Variants in ADGRV1 observed in about 807,000 individuals in gnomAD.
ADGRV1 encodes G-protein coupled receptor 98.
In ADGRV1, 359 loss-of-function variants were observed where a neutral mutation model predicts 596.2. That is an observed-to-expected ratio of 0.60 (90% CI 0.55 to 0.66). ADGRV1 has a LOEUF of 0.66. ADGRV1 is among the 30% of genes least tolerant of loss of function. The pLI is 0.00. For synonymous variants in ADGRV1, 2,681 were observed against 2,679.2 expected, an observed-to-expected ratio of 1.00 and a Z score of -0.02; for missense variants, 7,274 against 7,575.6, an observed-to-expected ratio of 0.96 and a Z score of 1.48.
chr5:90,754,891 G>T, intron 54 of ADGRV1, 92 bp from the exon 55 acceptor site: 1 of 825,598 alleles, frequency 1.2e-6, no homozygotes, highest in African/African-American at 1.7e-5. Flanking sequence ...CTGTCTACAA[G>T]GGATAGAGTA....
intron 86 of ADGRV1, among the ~76,000 whole-genome samples, chr5:91,078,342 A>T (rs997658635): frequency 7.2e-5 from 11 of 152,206 alleles, no homozygotes. Context: ...ATCCAAAGGA[A>T]AAAGAGGGAA....
chr5:90,610,583 A>T (rs1762617054), intron 1 of ADGRV1, among the ~76,000 whole-genome samples: 1 of 151,930 alleles, frequency 6.6e-6, no homozygotes, highest in Non-Finnish European at 1.5e-5. Flanking sequence ...ATTGCATGGG[A>T]ACAGAAGATA....
chr5:90,914,664 T>A (rs755129132), intron 83 of ADGRV1, among the ~76,000 whole-genome samples: 1 of 152,164 alleles, frequency 6.6e-6, no homozygotes, highest in African/African-American at 2.4e-5. Flanking sequence ...TCTGATTGAT[T>A]TTTACTTGCC....
At chr5:90,565,770 T>C (rs1026103866) in intron 1 of ADGRV1, among the ~76,000 whole-genome samples, 2 of 152,232 alleles carry the variant, frequency 1.3e-5, no homozygotes, top group Admixed American at 6.5e-5. Context: ...TCCAGCTGTT[T>C]TCTAAAGTGT....
intron 48 of ADGRV1, 130 bp from the exon 49 acceptor site, chr5:90,728,539 T>G (rs1050948678): frequency 1.3e-6 from 1 of 798,520 alleles, no homozygotes; most frequent in Non-Finnish European, 2.0e-6. Context: ...TTTAGTATTT[T>G]CTTATTTATG....
Position 91,030,241 on chromosome 5 carries a change from C to G in ADGRV1, c.18153-42206C>G, listed in dbSNP as rs75598562. On this transcript the variant is annotated intron_variant, in intron 85 of 89. Coordinates refer to ENST00000405460, the MANE Select transcript of ADGRV1 (RefSeq NM_032119.4). ...AAGTCTTTGAAATGCTTAGATAAACCCTTTATTTTAGTCCACTCTTGGATT... is the reference window on the plus strand; with the variant it reads ...AAGTCTTTGAAATGCTTAGATAAACGCTTTATTTTAGTCCACTCTTGGATT... Among the ~76,000 whole-genome samples, 1,267 of 151,966 alleles carry G rather than the reference C, an allele frequency of 8.3e-3. 21 individuals carry two copies. Among genetic ancestry groups the G allele is most frequent in the African/African-American group, 0.029 (1,199 of 41,456 alleles).
At chr5:91,154,856 AG>A (rs1796344416) in intron 89 of ADGRV1, among the ~76,000 whole-genome samples, 1 of 152,198 alleles carries the variant, frequency 6.6e-6, no homozygotes, top group Admixed American at 6.5e-5. Flanking sequence ...AGAATAGCAT[AG>A]GGTAAACTGC....
rs1761522804 is a variant in ADGRV1 at position 90,802,871 on chromosome 5, G to A, written c.14650G>A (p.Ala4884Thr). 2 of 1,605,078 alleles carry A rather than the reference G, an allele frequency of 1.2e-6. No individual in the cohort carries two copies. The highest frequency in any genetic ancestry group is 1.7e-5 in the Admixed American group (1 of 58,952). ...SAVLPVSEKAANSQVGFESTA... is the reference protein window; with the variant it reads ...SAVLPVSEKATNSQVGFESTA... ...TGTCCTTCCAGTCTCTGAGAAAGCT[G>A]CCAATTCTCAGGTAATTGGCCCTGT... Residue 4884 changes from alanine to threonine, a missense_variant, in exon 71 of 90, where the codon GCC becomes ACC. Ala to Thr is a moderately conservative substitution (Grantham distance 58, BLOSUM62 0). Transcript: ENST00000405460.
chr5:90,651,575 T>G, intron 17 of ADGRV1, 29 bp from the exon 18 acceptor site: 1 of 1,408,146 alleles, frequency 7.1e-7, no homozygotes, highest in South Asian at 1.5e-5. Flanking sequence ...TACTTCTTTG[T>G]TATTTTGTCT....
At chr5:91,011,768 G>T (rs1782744794) in intron 85 of ADGRV1, among the ~76,000 whole-genome samples, 1 of 151,568 alleles carries the variant, frequency 6.6e-6, no homozygotes, top group Non-Finnish European at 1.5e-5. Flanking sequence ...AAAAAAAAAA[G>T]CAATGCTAAC....
rs574764143 is a variant in ADGRV1 at position 90,773,037 on chromosome 5, C to T, written c.12286-1149C>T. Reference sequence around the variant, plus strand: ...ACAAAAATTAGCTGAGCATGGTTAACGCACACCTGTAATCCTAGCTATTCG... The same window carrying T: ...ACAAAAATTAGCTGAGCATGGTTAATGCACACCTGTAATCCTAGCTATTCG... On this transcript the variant is annotated intron_variant, in intron 59 of 89. Coordinates refer to ENST00000405460, the MANE Select transcript of ADGRV1 (RefSeq NM_032119.4). Among the ~76,000 whole-genome samples the T allele has an allele frequency of 7.2e-5, 11 of 152,118 alleles. No homozygotes were observed. In the South Asian group the frequency reaches 1.7e-3, roughly 23 times the overall value.
intron 70 of ADGRV1, among the ~76,000 whole-genome samples, chr5:90,798,613 GAC>G (rs1761005829): frequency 3.9e-5 from 6 of 152,114 alleles, no homozygotes; most frequent in African/African-American, 1.4e-4. Flanking sequence ...ACCTGACAGA[GAC>G]ACAACAAAAA....
Position 90,619,101 on chromosome 5 carries a change from G to T in ADGRV1, c.373G>T (p.Val125Leu). 6 of 1,457,998 alleles carry T rather than the reference G, an allele frequency of 4.1e-6. No individual in the cohort carries two copies. Among genetic ancestry groups the T allele is most frequent in the Non-Finnish European group, 5.5e-6 (6 of 1,091,852 alleles). 90.3% of individuals were successfully genotyped at this position (1,457,998 alleles called of 1,614,324 possible). ...HLTLQKPSAN[V>L]KLGWPRTVTV... ...TTTATTTTAGAAACCTTCAGCAAAT[G>T]TGAAGCTTGGATGGCCAAGGACTGT... The change falls in exon 4 of 90, where the codon GTG becomes TTG. Residue 125 changes from valine (V) to leucine (L), a missense_variant. Transcript: ENST00000405460.
chr5:90,653,864 C>T lies in ADGRV1; in HGVS notation c.4290C>T (p.Ile1430=). The T allele has an allele frequency of 1.2e-6, 2 of 1,607,990 alleles. No individual in the cohort carries two copies. Among genetic ancestry groups the T allele is most frequent in the East Asian group, 2.2e-5 (1 of 44,798 alleles). The stretch of plus-strand genomic sequence containing the variant: ...GTGTTTGGCTTCATCTACTAATTAT[C>T]CTGGAGGATGGTATAATCGAATTCT... ...EESVWLHLLI[I]LEDGIIEFYL... is the part of the protein sequence containing the mutation. The change falls in exon 20 of 90, where the codon ATC becomes ATT. Residue 1430 remains isoleucine (I), a synonymous_variant. Coordinates refer to ENST00000405460, the MANE Select transcript of ADGRV1 (RefSeq NM_032119.4).
intron 86 of ADGRV1, among the ~76,000 whole-genome samples, chr5:91,095,353 C>G (rs1236188229): frequency 1.3e-5 from 2 of 152,038 alleles, no homozygotes; most frequent in Admixed American, 6.5e-5. Flanking sequence ...GCATGCGCTT[C>G]CACACTTGGC....
chr5:90,752,754 G>A (rs1755408691), intron 53 of ADGRV1, among the ~76,000 whole-genome samples: 1 of 152,182 alleles, frequency 6.6e-6, no homozygotes, highest in African/African-American at 2.4e-5. Context: ...GCATATGTAT[G>A]TTCATTGCAA....
intron 21 of ADGRV1, among the ~76,000 whole-genome samples, chr5:90,669,020 A>C (rs1350399974): frequency 6.6e-6 from 1 of 152,202 alleles, no homozygotes; most frequent in Non-Finnish European, 1.5e-5. Flanking sequence ...CCTCTTGCTG[A>C]AAAGGGAAAA....
intron 83 of ADGRV1, among the ~76,000 whole-genome samples, chr5:90,872,940 CT>C (rs1347737170): frequency 2.0e-5 from 3 of 152,182 alleles, no homozygotes; most frequent in African/African-American, 4.8e-5. Context: ...TCTGTGAAAT[CT>C]TGCTTCCTTC....
chr5:91,072,696 T>G, intron 86 of ADGRV1, 92 bp downstream of exon 86: 7 of 1,318,948 alleles, frequency 5.3e-6, no homozygotes, highest in Non-Finnish European at 7.4e-6. Flanking sequence ...AAGAGGGAAG[T>G]TCGGCTCATC....
Sources: gnomAD v4.1 joint callset for allele counts (sites outside exome capture counted in the v4.1 genomes callset) on GRCh38, gnomAD v4.1.1 for gene constraint, MANE v1.5 for transcripts, NCBI Gene and HGNC (gene_info 2026-07-23, HGNC 2026-07-21) for gene names.